PGAP6: variants seen among roughly 807,000 people sequenced by gnomAD.
The protein encoded by PGAP6 is post-GPI attachment to proteins factor 6.
In PGAP6, 62 loss-of-function variants were observed where a neutral mutation model predicts 68.4. The observed-to-expected ratio is 0.91, with a 90% CI of 0.74 to 1.12. The LOEUF is 1.12. Ranked by LOEUF, PGAP6 falls within the 50% of genes most tolerant of loss-of-function variation. The probability of loss-of-function intolerance (pLI) is 0.00; values close to 1 mark genes in which losing one functional copy is unlikely to be tolerated. For missense variants in PGAP6, 1,188 were observed against 1,068.5 expected, an observed-to-expected ratio of 1.11 and a Z score of -1.56; for synonymous variants, 575 against 474.0, an observed-to-expected ratio of 1.21 and a Z score of -2.77.
In PGAP6 at chr16:371,921, G is replaced by C; in HGVS notation, c.*66C>G. The C allele has an allele frequency of 6.5e-7, 1 of 1,536,022 alleles. No homozygotes were observed. Among genetic ancestry groups the C allele is most frequent in the African/African-American group, 1.4e-5 (1 of 73,494 alleles). Reference sequence around the variant, plus strand: ...CAATCTGTCCAGGGCTGGACCAGGCGCCTCCCCCTCGATACAGCTCCTGGC... The same window carrying C: ...CAATCTGTCCAGGGCTGGACCAGGCCCCTCCCCCTCGATACAGCTCCTGGC... On this transcript the variant is annotated 3_prime_UTR_variant, in exon 13 of 13. Transcript: ENST00000431232.
intron 9 of PGAP6, 95 bp from the exon 10 acceptor site, chr16:374,494 AC>A: frequency 7.4e-7 from 1 of 1,357,592 alleles, no homozygotes; most frequent in Non-Finnish European, 9.8e-7. Context: ...CCCCTTCCTC[AC>A]CCAGGAGCAA....
chr16:378,665 T>TCCTCG (rs1172259821), intron 1 of PGAP6, among the ~76,000 whole-genome samples: 2 of 152,168 alleles, frequency 1.3e-5, no homozygotes, highest in African/African-American at 4.8e-5. Flanking sequence ...CCACCTCCTC[T>TCCTCG]CAGCCTCCCA....
rs971314735 is a variant in PGAP6 at position 377,753 on chromosome 16, G to T, written c.217C>A (p.Pro73Thr). Residue 73 changes from proline to threonine, a missense_variant, in exon 2 of 13, where the codon CCC becomes ACC. Pro to Thr is a conservative substitution (Grantham distance 38). Coordinates refer to ENST00000431232, the MANE Select transcript of PGAP6 (RefSeq NM_021259.3). ...CAGCGTAGAAGCACAGCATCTGGGG[G>T]CACGCGGAAGCGGAAGAGCCTGGCA... ...GSARLFRFRV[P>T]PDAVLLRWLL... 4.4e-6 allele frequency: 7 copies of T among 1,593,446 alleles called. No homozygotes were observed. In the South Asian group the frequency reaches 7.9e-5, roughly 18 times the overall value.
At chr16:382,538 T>C (rs1311685790), upstream of PGAP6, 2 of 329,546 alleles carry the variant, frequency 6.1e-6, no homozygotes, top group African/African-American at 2.2e-5. Context: ...TTAGGGACTG[T>C]AGTACCCGAT....
At chr16:382,672 C>T (rs976028634), upstream of PGAP6, among the ~76,000 whole-genome samples, 2 of 149,802 alleles carry the variant, frequency 1.3e-5, no homozygotes, top group African/African-American at 4.9e-5. Context: ...CTCGGGGAAG[C>T]TTTTTCCGTC....
intron 1 of PGAP6, among the ~76,000 whole-genome samples, chr16:379,615 G>A (rs562176859): frequency 6.6e-6 from 1 of 152,202 alleles, no homozygotes; most frequent in Non-Finnish European, 1.5e-5. Context: ...ACAGCCCCTG[G>A]GCTGCTGGGG....
chr16:371,018 C>G lies in PGAP6; in HGVS notation c.*969G>C, dbSNP rs973986180. On this transcript the variant is annotated 3_prime_UTR_variant, in exon 13 of 13. Coordinates refer to ENST00000431232, the MANE Select transcript of PGAP6 (RefSeq NM_021259.3). The stretch of plus-strand genomic sequence containing the variant: ...TCCCGGACAAGACCCAGAAGGGAAG[C>G]CCCCAGAGCCAAGGGTAGGAGGGCC... 5.3e-5 allele frequency: 8 copies of G among 152,364 alleles called. No homozygotes were observed. The East Asian group carries it at 1.5e-3, about 29-fold the overall frequency. 9.4% of individuals were successfully genotyped at this position (152,364 alleles called of 1,614,324 possible).
At position 376,580 on chromosome 16, in the gene PGAP6, CGA is replaced by C; in HGVS notation, c.866_867del (p.Leu289ArgfsTer188). On this transcript the variant is annotated frameshift_variant, in exon 5 of 13. Coordinates refer to ENST00000431232, the MANE Select transcript of PGAP6 (RefSeq NM_021259.3). LOFTEE classifies it high-confidence loss of function. ...GCTACAGCACTGAAAGCCACTGTCC[CGA>C]GGGGCCCCACCAGGCTCTCAGCTGT... ...QVTAESLVGP[L>X]GTVAFSAVAA... 1 of 1,571,874 alleles carries C rather than the reference CGA, an allele frequency of 6.4e-7. No individual in the cohort carries two copies. The highest frequency in any genetic ancestry group is 2.2e-5 in the East Asian group (1 of 44,514).
Position 374,849 on chromosome 16 carries a change from G to A in PGAP6, c.1483C>T (p.Leu495=), listed in dbSNP as rs2054366851. The A allele has an allele frequency of 6.2e-7, 1 of 1,613,034 alleles. No homozygotes were observed. Among genetic ancestry groups the A allele is most frequent in the Non-Finnish European group, 8.5e-7 (1 of 1,179,974 alleles). ...AVVHVETTLY[L]VPCLNDCGPY... is the part of the protein sequence containing the mutation. The stretch of plus-strand genomic sequence containing the variant: ...CCACAATCGTTCAAACAGGGCACCA[G>A]GTACAAGGTGGTCTCCACGTGGACC... Residue 495 remains leucine, a synonymous_variant, in exon 9 of 13, where the codon CTG becomes TTG. Coordinates refer to ENST00000431232, the MANE Select transcript of PGAP6 (RefSeq NM_021259.3).
chr16:379,969 G>C (rs930292892), intron 1 of PGAP6, among the ~76,000 whole-genome samples: 1 of 152,240 alleles, frequency 6.6e-6, no homozygotes, highest in Non-Finnish European at 1.5e-5. Context: ...CAAGTCCCTG[G>C]CCCTGTCCTG....
In PGAP6 at chr16:374,165, C is replaced by A. The variant is rs2054358685; in HGVS notation, c.1756-14G>T. The stretch of plus-strand genomic sequence containing the variant: ...GGCGTGGTAGAACTGTGGGGAGGCT[C>A]CATGAGCGCGGTCCTGCCCTCCCAC... On this transcript the variant is annotated splice_polypyrimidine_tract_variant and intron_variant, in intron 10 of 12. Coordinates refer to ENST00000431232, the MANE Select transcript of PGAP6 (RefSeq NM_021259.3). The A allele has an allele frequency of 6.2e-7, 1 of 1,610,452 alleles. No homozygotes were observed. Among genetic ancestry groups the A allele is most frequent in the East Asian group, 2.2e-5 (1 of 44,896 alleles).
At chr16:376,944 C>G in intron 4 of PGAP6, 93 bp downstream of exon 4, 1 of 1,570,500 alleles carries the variant, frequency 6.4e-7, no homozygotes, top group Non-Finnish European at 8.6e-7. Context: ...CAGCCCAACC[C>G]CAGGACTCAG....
At chr16:376,002 C>A in intron 6 of PGAP6, 134 bp downstream of exon 6, 1 of 817,256 alleles carries the variant, frequency 1.2e-6, no homozygotes, top group South Asian at 2.1e-5. Context: ...CCAACATGGG[C>A]CCCTGTCTTG....
At chr16:378,590 G>A (rs2054413061) in intron 1 of PGAP6, among the ~76,000 whole-genome samples, 1 of 151,414 alleles carries the variant, frequency 6.6e-6, no homozygotes, top group Admixed American at 6.6e-5. Flanking sequence ...GAAGGACCCA[G>A]CAGGTGTCAG....
chr16:385,778 A>C (rs577790422), upstream of PGAP6, among the ~76,000 whole-genome samples: 908 of 148,780 alleles, frequency 6.1e-3, 3 homozygotes, highest in African/African-American at 8.8e-3. Context: ...GCGCCTGCCA[A>C]CACACCCGGC....
chr16:384,326 G>C (rs112865841), upstream of PGAP6: 1 of 152,136 alleles, frequency 6.6e-6, no homozygotes, highest in Non-Finnish European at 1.5e-5. Flanking sequence ...CTTGAAGGTG[G>C]GTAAGAATCC....
chr16:372,853 C>G, intron 11 of PGAP6, 126 bp from the exon 12 acceptor site: 1 of 651,046 alleles, frequency 1.5e-6, no homozygotes, highest in Non-Finnish European at 2.7e-6. Context: ...ACCCTCAGAC[C>G]AGCTCTGCCA....
Position 374,013 on chromosome 16 carries a change from GGACT to G in PGAP6, c.1890_1893del (p.Val631Ter). ...CGTCGAGGGCCACTCACGTATTTCA[GGACT>G]GTCTTGAGCCGTGCCATGCACAGGA... On this transcript the variant is annotated frameshift_variant, in exon 11 of 13. Transcript: ENST00000431232. LOFTEE classifies it high-confidence loss of function. 1 of 1,608,844 alleles carries G rather than the reference GGACT, an allele frequency of 6.2e-7. No homozygotes were observed. Among genetic ancestry groups the G allele is most frequent in the South Asian group, 1.1e-5 (1 of 90,904 alleles).
At chr16:374,624 G>T in intron 9 of PGAP6, 132 bp downstream of exon 9, 1 of 1,298,302 alleles carries the variant, frequency 7.7e-7, no homozygotes, top group Non-Finnish European at 1.0e-6. Flanking sequence ...TGGGGAGGAG[G>T]CTTTGCCCCT....
Sources: gnomAD v4.1 joint callset for allele counts (sites outside exome capture counted in the v4.1 genomes callset) on GRCh38, gnomAD v4.1.1 for gene constraint, MANE v1.5 for transcripts, NCBI Gene and HGNC (gene_info 2026-07-23, HGNC 2026-07-21) for gene names.